KAZN: variants seen among roughly 807,000 people sequenced by gnomAD.
KAZN encodes kazrin.
Under a neutral mutation model 87.4 loss-of-function variants are expected in KAZN, and 40 were observed. That is an observed-to-expected ratio of 0.46 (90% CI 0.36 to 0.60). The LOEUF is 0.60. Among genes scored for constraint, KAZN ranks in the 20% least tolerant of loss-of-function variants. KAZN has a pLI of 0.00. For missense variants in KAZN, 898 were observed against 1,073.9 expected (o/e 0.84, Z 2.29); for synonymous variants, 466 against 458.3 (o/e 1.02, Z -0.22).
chr1:14,567,170 G>T (rs1387726399), intron 2 of KAZN, among the ~76,000 whole-genome samples: 1 of 152,070 alleles, frequency 6.6e-6, no homozygotes, highest in African/African-American at 2.4e-5. Context: ...ACCCTTAGAG[G>T]TCATTGTAGG....
intron 1 of KAZN, among the ~76,000 whole-genome samples, chr1:14,729,984 CT>C (rs1643602881): frequency 6.6e-6 from 1 of 152,140 alleles, no homozygotes; most frequent in Admixed American, 6.5e-5. Flanking sequence ...TCTATCACTG[CT>C]TTTGTGCTGC....
rs151219073 is a variant in KAZN at position 14,723,799 on chromosome 1, A to G, written c.226+124576A>G. Among the ~76,000 whole-genome samples, 77 of 152,256 alleles carry G rather than the reference A, an allele frequency of 5.1e-4. 1 individual carries two copies. The highest frequency in any genetic ancestry group is 1.6e-3 in the African/African-American group (68 of 41,538). Reference sequence around the variant, plus strand: ...TGGGATACGGCTTTGACTGATCCAGAGGGTTTATTCAGCCAGTTTTTCAAT... The same window carrying G: ...TGGGATACGGCTTTGACTGATCCAGGGGGTTTATTCAGCCAGTTTTTCAAT... On this transcript the variant is annotated intron_variant, in intron 1 of 14. Coordinates refer to ENST00000376030, the MANE Select transcript of KAZN (RefSeq NM_201628.3).
chr1:14,777,957 C>T (rs1447462879), intron 1 of KAZN, among the ~76,000 whole-genome samples: 1 of 152,182 alleles, frequency 6.6e-6, no homozygotes, highest in African/African-American at 2.4e-5. Context: ...GCCATGAGGA[C>T]GATCAAAGGT....
intron 1 of KAZN, among the ~76,000 whole-genome samples, chr1:14,912,610 G>A (rs554906593): frequency 3.3e-5 from 5 of 152,178 alleles, no homozygotes; most frequent in African/African-American, 9.6e-5. Context: ...CCAACTCCGG[G>A]GCTCAAGCAA....
rs796202115 is a variant in KAZN, at chr1:14,630,922, A to G, written c.226+31699A>G. Among the ~76,000 whole-genome samples the G allele has an allele frequency of 2.0e-4, 30 of 152,370 alleles. 1 individual carries two copies. Among genetic ancestry groups the G allele is most frequent in the African/African-American group, 7.2e-4 (30 of 41,588 alleles). On this transcript the variant is annotated intron_variant, in intron 1 of 14. Coordinates refer to ENST00000376030, the MANE Select transcript of KAZN (RefSeq NM_201628.3). ...AGATTGCTATAGGATAAAGTCAATA[A>G]GGGCACAATAAAAGTAAAAATCAAT...
At chr1:14,493,391 AAGG>A (rs1454108734) in intron 2 of KAZN, among the ~76,000 whole-genome samples, 8 of 152,186 alleles carry the variant, frequency 5.3e-5, no homozygotes, top group Non-Finnish European at 8.8e-5. Flanking sequence ...TCCCAGAGAA[AAGG>A]AGAAGAGAGG....
chr1:14,555,595 G>A (rs1363610815), intron 2 of KAZN, among the ~76,000 whole-genome samples: 3 of 152,116 alleles, frequency 2.0e-5, no homozygotes, highest in Non-Finnish European at 4.4e-5. Context: ...GGAAAGTTGT[G>A]GTTGTAAATC....
chr1:14,374,927 G>A (rs1284108177), intron 2 of KAZN, among the ~76,000 whole-genome samples: 1 of 152,102 alleles, frequency 6.6e-6, no homozygotes, highest in Non-Finnish European at 1.5e-5. Flanking sequence ...AAGTCCTATT[G>A]AGCTCGTCCA....
intron 2 of KAZN, among the ~76,000 whole-genome samples, chr1:14,233,889 T>A (rs1431358002): frequency 6.6e-6 from 1 of 152,100 alleles, no homozygotes; most frequent in East Asian, 1.9e-4. Flanking sequence ...TATTAAAAAG[T>A]CAGGAAACAA....
chr1:14,577,960 A>C (rs1675295084), intron 2 of KAZN, among the ~76,000 whole-genome samples: 1 of 152,086 alleles, frequency 6.6e-6, no homozygotes. Context: ...CCTGTGTTCA[A>C]ACTTCCCCTC....
intron 2 of KAZN, among the ~76,000 whole-genome samples, chr1:14,440,425 C>T (rs1666633600): frequency 1.3e-5 from 2 of 152,282 alleles, no homozygotes; most frequent in South Asian, 4.1e-4. Context: ...TGCTCTCTTC[C>T]GGGAACTACC....
intron 1 of KAZN, among the ~76,000 whole-genome samples, chr1:13,987,001 T>C (rs1639048390): frequency 6.6e-6 from 1 of 151,882 alleles, no homozygotes. Context: ...AGATAAATTC[T>C]TCCCCCTAAT....
At chr1:14,721,874 C>T (rs1417039548) in intron 1 of KAZN, among the ~76,000 whole-genome samples, 1 of 152,114 alleles carries the variant, frequency 6.6e-6, no homozygotes, top group Non-Finnish European at 1.5e-5. Flanking sequence ...AAGGAATAGA[C>T]CGGGTGCGGT....
At chr1:14,006,235 G>A (rs1371181005) in intron 1 of KAZN, among the ~76,000 whole-genome samples, 1 of 152,090 alleles carries the variant, frequency 6.6e-6, no homozygotes, top group East Asian at 1.9e-4. Flanking sequence ...TGCTATAAAG[G>A]AATATCTGAG....
chr1:14,405,063 G>C (rs1160405740), intron 2 of KAZN, among the ~76,000 whole-genome samples: 1 of 152,178 alleles, frequency 6.6e-6, no homozygotes, highest in Non-Finnish European at 1.5e-5. Flanking sequence ...GGGGGGTAGG[G>C]GGATAGCAGT....
chr1:13,992,707 CG>C (rs1557768735), intron 1 of KAZN, among the ~76,000 whole-genome samples: 3 of 152,022 alleles, frequency 2.0e-5, no homozygotes. Flanking sequence ...AGCAGGGGAA[CG>C]GGGGATTGAC....
intron 1 of KAZN, among the ~76,000 whole-genome samples, chr1:14,892,368 A>ATC (rs570888830): frequency 6.1e-4 from 93 of 151,828 alleles, no homozygotes; most frequent in Non-Finnish European, 8.1e-4. Flanking sequence ...TTTCAGAGGC[A>ATC]TCTCTCTCTC....
At chr1:14,863,909 T>C (rs981821263) in intron 1 of KAZN, among the ~76,000 whole-genome samples, 1 of 152,196 alleles carries the variant, frequency 6.6e-6, no homozygotes, top group African/African-American at 2.4e-5. Context: ...TCAGTAGTCC[T>C]GCAGAACTAC....
intron 2 of KAZN, among the ~76,000 whole-genome samples, chr1:14,194,453 A>G (rs1468878051): frequency 2.0e-5 from 3 of 152,082 alleles, no homozygotes; most frequent in Admixed American, 2.0e-4. Context: ...GCTCTTTTGC[A>G]TGAGGCTTCT....
Sources: allele counts gnomAD v4.1 joint callset (sites outside exome capture counted in the v4.1 genomes callset), GRCh38; gene constraint gnomAD v4.1.1; transcripts MANE v1.5; gene names NCBI Gene and HGNC (gene_info 2026-07-23, HGNC 2026-07-21).